SLC45A3: variants seen among roughly 807,000 people sequenced by gnomAD.
SLC45A3 encodes solute carrier family 45 member 3.
In SLC45A3, 17 loss-of-function variants were observed where a neutral mutation model predicts 35.3. The observed-to-expected ratio is 0.48, with a 90% CI of 0.33 to 0.72. SLC45A3 has a LOEUF of 0.72. Ranked by LOEUF, SLC45A3 falls within the 30% of genes least tolerant of loss-of-function variation. The pLI is 0.02. For missense variants in SLC45A3, 597 were observed against 731.7 expected, an observed-to-expected ratio of 0.82 and a Z score of 2.12; for synonymous variants, 288 against 334.3, an observed-to-expected ratio of 0.86 and a Z score of 1.51.
Position 205,663,599 on chromosome 1 carries a change from GC to G in SLC45A3, c.191del (p.Gly64AlafsTer8). 6.3e-7 allele frequency: 1 copy of G among 1,597,652 alleles called. No individual in the cohort carries two copies. Among genetic ancestry groups the G allele is most frequent in the Non-Finnish European group, 8.5e-7 (1 of 1,173,394 alleles). Reference protein sequence around the residue: ...TMVLGIGPVLGLVCVPLLGSA... With the variant: ...TMVLGIGPVLXLVCVPLLGSA... ...AGCCTAGGAGCGGGACACAGACCAG[GC>G]CCAGCACTGGACCAATGCCTGCAAG... On this transcript the variant is annotated frameshift_variant, in exon 3 of 5. Coordinates refer to ENST00000367145, the MANE Select transcript of SLC45A3 (RefSeq NM_033102.3). LOFTEE classifies it high-confidence loss of function.
At chr1:205,670,589 G>T (rs1055655004) in intron 1 of SLC45A3, among the ~76,000 whole-genome samples, 1 of 152,198 alleles carries the variant, frequency 6.6e-6, no homozygotes, top group African/African-American at 2.4e-5. Context: ...CCCAGGGCCT[G>T]GAGGCCAGGG....
chr1:205,659,798 C>G lies in SLC45A3; in HGVS notation c.1225-127G>C. ...AATGGGACTTCATGAGAATCAGGAGCAGGAGAGAAGATGGAGACCCTACTT... is the reference window on the plus strand; with the variant it reads ...AATGGGACTTCATGAGAATCAGGAGGAGGAGAGAAGATGGAGACCCTACTT... On this transcript the variant is annotated intron_variant, in intron 4 of 4. Coordinates refer to ENST00000367145, the MANE Select transcript of SLC45A3 (RefSeq NM_033102.3). This position sits in a 1 kb window ranked among gnomAD's most constrained non-coding sequence, Gnocchi z 5.8. The G allele has an allele frequency of 1.1e-6, 1 of 899,736 alleles. No individual in the cohort carries two copies. The highest frequency in any genetic ancestry group is 1.6e-6 in the Non-Finnish European group (1 of 622,906). 55.7% of individuals were successfully genotyped at this position (899,736 alleles called of 1,614,324 possible).
In SLC45A3 at chr1:205,667,951, C is replaced by T. The variant is rs1018489959; in HGVS notation, c.-230-3065G>A. Among the ~76,000 whole-genome samples the T allele has an allele frequency of 3.3e-5, 5 of 152,158 alleles. No individual in the cohort carries two copies. The South Asian group carries it at 6.2e-4, about 19-fold the overall frequency. On this transcript the variant is annotated intron_variant, in intron 1 of 4. Transcript: ENST00000367145. Reference sequence around the variant, plus strand: ...CTTTCTCCAACGCCCCCCATCCCCACCCAGAGATTCTTTACCTGGTAACTT... The same window carrying T: ...CTTTCTCCAACGCCCCCCATCCCCATCCAGAGATTCTTTACCTGGTAACTT...
In SLC45A3 at chr1:205,659,432, G is replaced by C; in HGVS notation, c.1464C>G (p.Ile488Met). The change falls in exon 5 of 5, where the codon ATC becomes ATG. Residue 488 changes from isoleucine to methionine, a missense_variant. Ile to Met is a conservative substitution (Grantham distance 10, BLOSUM62 1). This residue lies in a region of SLC45A3 where 555 missense variants were observed against 664.9 expected (regional missense o/e 0.83). Transcript: ENST00000367145. The surrounding 1 kb of genome is among the most constrained non-coding windows in gnomAD (Gnocchi z 5.8). ...TATCCAGGATGGCGAGGTCCAGGCA[G>C]ATGCCCCGGCCCGGAACCACCCTGG... ...TEARVVPGRG[I>M]CLDLAILDSA... The C allele has an allele frequency of 2.5e-6, 4 of 1,614,162 alleles. No individual in the cohort carries two copies. The highest frequency in any genetic ancestry group is 2.5e-6 in the Non-Finnish European group (3 of 1,180,012).
At position 205,666,019 on chromosome 1, in the gene SLC45A3, T is replaced by C. The variant is rs939679816; in HGVS notation, c.-230-1133A>G. Among the ~76,000 whole-genome samples the C allele has an allele frequency of 6.6e-6, 1 of 150,494 alleles. No homozygotes were observed. The highest frequency in any genetic ancestry group is 2.1e-4 in the South Asian group (1 of 4,710). On this transcript the variant is annotated intron_variant, in intron 1 of 4. Transcript: ENST00000367145. The surrounding 1 kb of genome is among the most constrained non-coding windows in gnomAD (Gnocchi z 4.1). ...CAACATGGTGAAACCCCATCTCTGC[T>C]AAAAATACAAAAATTAGCCAGGCAT...
chr1:205,663,663 A>C, intron 2 of SLC45A3, 45 bp from the exon 3 acceptor site: 2 of 1,513,254 alleles, frequency 1.3e-6, no homozygotes, highest in Non-Finnish European at 1.8e-6. Context: ...GGACAAGTAA[A>C]GGGCAAGGGG....
At position 205,664,370 on chromosome 1, in the gene SLC45A3, C is replaced by T; in HGVS notation, c.172+115G>A. 1 of 1,394,876 alleles carries T rather than the reference C, an allele frequency of 7.2e-7. No individual in the cohort carries two copies. Among genetic ancestry groups the T allele is most frequent in the South Asian group, 1.3e-5 (1 of 74,636 alleles). 86.4% of individuals were successfully genotyped at this position (1,394,876 alleles called of 1,614,324 possible). On this transcript the variant is annotated intron_variant, in intron 2 of 4. Coordinates refer to ENST00000367145, the MANE Select transcript of SLC45A3 (RefSeq NM_033102.3). This position sits in a 1 kb window ranked among gnomAD's most constrained non-coding sequence, Gnocchi z 5.3. The stretch of plus-strand genomic sequence containing the variant: ...AGGGTCACCCTCCTGCCCAGCAATG[C>T]CTTCCCAGCAGACCACCTCTCCCTC...
intron 2 of SLC45A3, 75 bp from the exon 3 acceptor site, chr1:205,663,693 G>C: frequency 7.2e-7 from 1 of 1,397,256 alleles, no homozygotes; most frequent in Non-Finnish European, 9.6e-7. Context: ...CAAGCTCCGT[G>C]AGAAGGATGG....
Position 205,659,217 on chromosome 1 carries a change from A to T in SLC45A3, c.*17T>A. The T allele has an allele frequency of 6.3e-7, 1 of 1,588,792 alleles. No homozygotes were observed. Among genetic ancestry groups the T allele is most frequent in the African/African-American group, 1.3e-5 (1 of 74,710 alleles). Reference sequence around the variant, plus strand: ...CCCAGTGAGGCAGGCCCTCCACCCCAATGTGCTGGAAGTTTTCTACGCTGA... The same window carrying T: ...CCCAGTGAGGCAGGCCCTCCACCCCTATGTGCTGGAAGTTTTCTACGCTGA... On this transcript the variant is annotated 3_prime_UTR_variant, in exon 5 of 5. Transcript: ENST00000367145. This position sits in a 1 kb window ranked among gnomAD's most constrained non-coding sequence, Gnocchi z 5.8.
At chr1:205,670,299 C>T (rs114246753) in intron 1 of SLC45A3, among the ~76,000 whole-genome samples, 2,146 of 152,286 alleles carry the variant, frequency 0.014, 42 homozygotes, top group African/African-American at 0.049. Context: ...TAGACAACCA[C>T]GGCTTTGGTG....
At position 205,663,603 on chromosome 1, in the gene SLC45A3, A is replaced by T; in HGVS notation, c.188T>A (p.Leu63Gln). The change falls in exon 3 of 5, where the codon CTG (leucine) becomes CAG (glutamine). Residue 63 changes from leucine to glutamine, a missense_variant. Transcript: ENST00000367145. ...MTMVLGIGPV[L>Q]GLVCVPLLGS... ...TAGGAGCGGGACACAGACCAGGCCC[A>T]GCACTGGACCAATGCCTGCAAGAAG... 1 of 1,586,660 alleles carries T rather than the reference A, an allele frequency of 6.3e-7. No individual in the cohort carries two copies. The highest frequency in any genetic ancestry group is 1.3e-5 in the African/African-American group (1 of 74,224).
At position 205,659,441 on chromosome 1, in the gene SLC45A3, G is replaced by A. The variant is rs534006274; in HGVS notation, c.1455C>T (p.Gly485=). ...TGGCGAGGTCCAGGCAGATGCCCCG[G>A]CCCGGAACCACCCTGGCCTCGGTGG... is the stretch of plus-strand genomic sequence containing the variant. ...GEPTEARVVP[G]RGICLDLAIL... Residue 485 remains glycine, a synonymous_variant, in exon 5 of 5, where the codon GGC becomes GGT. Transcript: ENST00000367145. This position sits in a 1 kb window ranked among gnomAD's most constrained non-coding sequence, Gnocchi z 5.8. 5.6e-6 allele frequency: 9 copies of A among 1,614,106 alleles called. No homozygotes were observed. Among genetic ancestry groups the A allele is most frequent in the South Asian group, 5.5e-5 (5 of 91,082 alleles).
At chr1:205,672,329 G>A (rs1383987075) in intron 1 of SLC45A3, among the ~76,000 whole-genome samples, 2 of 152,170 alleles carry the variant, frequency 1.3e-5, no homozygotes, top group Non-Finnish European at 2.9e-5. Context: ...GTGAGGAGAG[G>A]TCACTGCAGC....
rs999939717 is a variant in SLC45A3, at chr1:205,664,029, G to A, written c.173-411C>T. 1.3e-5 allele frequency among the ~76,000 whole-genome samples: 2 copies of A among 152,084 alleles called. No individual in the cohort carries two copies. The highest frequency in any genetic ancestry group is 2.4e-5 in the African/African-American group (1 of 41,406). On this transcript the variant is annotated intron_variant, in intron 2 of 4. Transcript: ENST00000367145. This position sits in a 1 kb window ranked among gnomAD's most constrained non-coding sequence, Gnocchi z 5.3. ...GTCAGGAGTCCACCCCTTGTCCTAG[G>A]GGTAGGAGCAAGCTCCGGCTGGGAG... is the stretch of plus-strand genomic sequence containing the variant.
Position 205,664,369 on chromosome 1 carries a change from G to T in SLC45A3, c.172+116C>A. 7.2e-7 allele frequency: 1 copy of T among 1,381,072 alleles called. No homozygotes were observed. The highest frequency in any genetic ancestry group is 1.3e-5 in the South Asian group (1 of 74,302). The allele number at this position is 1,381,072 out of a possible 1,614,324, so 85.6% of individuals were successfully genotyped here. A position where few individuals can be genotyped will look rare whatever the true frequency, so the allele number is the denominator to read the frequency against. ...CAGGGTCACCCTCCTGCCCAGCAAT[G>T]CCTTCCCAGCAGACCACCTCTCCCT... On this transcript the variant is annotated intron_variant, in intron 2 of 4. Transcript: ENST00000367145. The surrounding 1 kb of genome is among the most constrained non-coding windows in gnomAD (Gnocchi z 5.3).
At chr1:205,668,642 A>G (rs1319759791) in intron 1 of SLC45A3, among the ~76,000 whole-genome samples, 1 of 152,166 alleles carries the variant, frequency 6.6e-6, no homozygotes, top group Non-Finnish European at 1.5e-5. Context: ...GACAAGATCA[A>G]CCAGAAGAGC....
At chr1:205,660,985 G>T (rs532601427) in intron 4 of SLC45A3, among the ~76,000 whole-genome samples, 1 of 152,186 alleles carries the variant, frequency 6.6e-6, no homozygotes, top group Non-Finnish European at 1.5e-5. Context: ...GCTACGAGAC[G>T]CAGGGGCAGG....
chr1:205,668,758 C>A (rs1040184732), intron 1 of SLC45A3, among the ~76,000 whole-genome samples: 2 of 152,106 alleles, frequency 1.3e-5, no homozygotes, highest in African/African-American at 2.4e-5. Flanking sequence ...AGGACAAGTC[C>A]CTCTCAAGTT....
intron 1 of SLC45A3, among the ~76,000 whole-genome samples, chr1:205,670,276 A>AG (rs1452860426): frequency 6.6e-6 from 1 of 152,154 alleles, no homozygotes; most frequent in Non-Finnish European, 1.5e-5. Flanking sequence ...AGATGGTGGG[A>AG]GGGACACGGC....
Sources: gnomAD v4.1 joint callset for allele counts (sites outside exome capture counted in the v4.1 genomes callset) on GRCh38, gnomAD v4.1.1 for gene constraint, gnomAD v4.1.1 regional missense constraint, Gnocchi (gnomAD v3.1) non-coding constraint, MANE v1.5 for transcripts, NCBI Gene and HGNC (gene_info 2026-07-23, HGNC 2026-07-21) for gene names.